TDRD7: variants seen among roughly 807,000 people sequenced by gnomAD.
The protein encoded by TDRD7 is tudor domain-containing protein 7.
TDRD7 carries 47 observed loss-of-function variants against 109.8 expected under a neutral mutation model. The ratio of observed to expected loss-of-function variants is 0.43; its 90% CI spans 0.34 to 0.55. The LOEUF (loss-of-function observed/expected upper bound fraction) is 0.55. Ranked by LOEUF, TDRD7 falls within the 20% of genes least tolerant of loss-of-function variation. The pLI, the probability that TDRD7 is intolerant of heterozygous loss-of-function variation, is 0.03. For missense variants in TDRD7, 1,164 were observed against 1,319.2 expected, an observed-to-expected ratio of 0.88 and a Z score of 1.82; for synonymous variants, 424 against 457.3, an observed-to-expected ratio of 0.93 and a Z score of 0.93.
intron 6 of TDRD7, among the ~76,000 whole-genome samples, chr9:97,446,709 A>G (rs1423032056): frequency 6.6e-6 from 1 of 152,170 alleles, no homozygotes; most frequent in Non-Finnish European, 1.5e-5. Flanking sequence ...AGATGTTTTT[A>G]TATTTGGGGA....
In TDRD7 at chr9:97,473,535, C is replaced by G; in HGVS notation, c.1988C>G (p.Ser663Cys). 2 of 1,613,770 alleles carry G rather than the reference C, an allele frequency of 1.2e-6. No individual in the cohort carries two copies. Among genetic ancestry groups the G allele is most frequent in the African/African-American group, 1.3e-5 (1 of 75,006 alleles). Residue 663 changes from serine (S) to cysteine (C), a missense_variant, in exon 11 of 17, where the codon TCT (serine) becomes TGT (cysteine). Ser to Cys is a moderately radical substitution (Grantham distance 112, BLOSUM62 -1). Around this residue, in one of 5 missense-constraint regions of TDRD7, gnomAD observed 261 missense variants for 336.2 expected, o/e 0.78. Coordinates refer to ENST00000355295, the MANE Select transcript of TDRD7 (RefSeq NM_014290.3). ...YTNVKVTNICSDGTLYCQVPC... is the reference protein window; with the variant it reads ...YTNVKVTNICCDGTLYCQVPC... Reference sequence around the variant, plus strand: ...AATGTCAAAGTAACTAATATTTGCTCTGATGGGACACTCTACTGCCAGGTG... The same window carrying G: ...AATGTCAAAGTAACTAATATTTGCTGTGATGGGACACTCTACTGCCAGGTG...
intron 8 of TDRD7, 143 bp from the exon 9 acceptor site, chr9:97,470,415 G>C (rs1211237594): frequency 9.6e-6 from 7 of 729,160 alleles, no homozygotes; most frequent in Non-Finnish European, 1.6e-5. Context: ...TGGTAAGTCA[G>C]GGGCACCTCC....
At position 97,492,573 on chromosome 9, in the gene TDRD7, G is replaced by A. The variant is rs558586875; in HGVS notation, c.3077-3090G>A. The stretch of plus-strand genomic sequence containing the variant: ...CCTGTCTATGTGACTGAACTAATAT[G>A]TGGATCAGATGAAAAAGTGAATATG... On this transcript the variant is annotated intron_variant, in intron 16 of 16. Coordinates refer to ENST00000355295, the MANE Select transcript of TDRD7 (RefSeq NM_014290.3). Among the ~76,000 whole-genome samples, 11 of 152,296 alleles carry A rather than the reference G, an allele frequency of 7.2e-5. No individual in the cohort carries two copies. The South Asian group carries it at 2.3e-3, about 32-fold the overall frequency.
chr9:97,479,361 C>T (rs538659037), intron 13 of TDRD7, among the ~76,000 whole-genome samples: 95 of 152,144 alleles, frequency 6.2e-4, no homozygotes, highest in Non-Finnish European at 9.3e-4. Flanking sequence ...AGCCATAATT[C>T]TGGAAATTGA....
In TDRD7 at chr9:97,483,191, C is replaced by T; in HGVS notation, c.2755C>T (p.Pro919Ser). The T allele has an allele frequency of 6.2e-7, 1 of 1,613,734 alleles. No homozygotes were observed. Among genetic ancestry groups the T allele is most frequent in the Non-Finnish European group, 8.5e-7 (1 of 1,179,684 alleles). Residue 919 changes from proline to serine, a missense_variant, in exon 15 of 17, where the codon CCT (proline) becomes TCT (serine). By Grantham distance (74) the Pro-to-Ser change is moderately conservative. Transcript: ENST00000355295. ...AGGGGAACACATGGATGTGTATGTG[C>T]CTGTGGCCTGTCACCCAGGCTACTT... Reference protein sequence around the residue: ...KPGEHMDVYVPVACHPGYFVI... With the variant: ...KPGEHMDVYVSVACHPGYFVI...
At position 97,412,387 on chromosome 9, in the gene TDRD7, G is replaced by T. The variant is rs1043163759; in HGVS notation, c.-7+149G>T. 6.6e-6 allele frequency: 1 copy of T among 152,228 alleles called. No homozygotes were observed. The highest frequency in any genetic ancestry group is 2.4e-5 in the African/African-American group (1 of 41,446). The allele number at this position is 152,228 out of a possible 1,614,324, so 9.4% of individuals were successfully genotyped here. A position where few individuals can be genotyped will look rare whatever the true frequency, so the allele number is the denominator to read the frequency against. On this transcript the variant is annotated intron_variant, in intron 1 of 16. Transcript: ENST00000355295. The surrounding 1 kb of genome is among the most constrained non-coding windows in gnomAD (Gnocchi z 4.3). Reference sequence around the variant, plus strand: ...GGCTCGGGGCCTTTTCCCTGCAGCCGCAGGGGATTGCCCCCGCCCCGACGC... The same window carrying T: ...GGCTCGGGGCCTTTTCCCTGCAGCCTCAGGGGATTGCCCCCGCCCCGACGC...
chr9:97,457,390 T>A (rs977998185), intron 6 of TDRD7, among the ~76,000 whole-genome samples: 3 of 152,036 alleles, frequency 2.0e-5, no homozygotes, highest in African/African-American at 7.2e-5. Flanking sequence ...ATATATATTT[T>A]TTTTTTGAGA....
In TDRD7 at chr9:97,432,208, A is replaced by C; in HGVS notation, c.533A>C (p.Gln178Pro). 1 of 1,613,802 alleles carries C rather than the reference A, an allele frequency of 6.2e-7. No homozygotes were observed. The highest frequency in any genetic ancestry group is 8.5e-7 in the Non-Finnish European group (1 of 1,179,746). The change falls in exon 4 of 17, where the codon CAA becomes CCA. Residue 178 changes from glutamine to proline, a missense_variant. Around this residue, in one of 5 missense-constraint regions of TDRD7, gnomAD observed 407 missense variants for 394.0 expected, o/e 1.03. Transcript: ENST00000355295. ...GAAGCATTCAAAGACATTCCAGTGC[A>C]AAGGCATGTGACCATGTCCACCAAC... ...GNEAFKDIPV[Q>P]RHVTMSTNNR...
At chr9:97,414,171 A>G (rs1014003011) in intron 1 of TDRD7, among the ~76,000 whole-genome samples, 1 of 150,792 alleles carries the variant, frequency 6.6e-6, no homozygotes, top group African/African-American at 2.4e-5. Context: ...TCCTCCCTCC[A>G]CTCCCACCTC....
intron 6 of TDRD7, among the ~76,000 whole-genome samples, chr9:97,455,153 A>G (rs938947456): frequency 6.6e-6 from 1 of 152,170 alleles, no homozygotes; most frequent in Non-Finnish European, 1.5e-5. Flanking sequence ...GAGTAGACCA[A>G]TAACAAGCTC....
intron 13 of TDRD7, chr9:97,480,393 C>T (rs1054988664): frequency 9.3e-6 from 2 of 214,318 alleles, no homozygotes; most frequent in African/African-American, 4.6e-5. Context: ...CTGAATGAAG[C>T]AACAGGAGTC....
At chr9:97,471,967 T>G (rs1004091367) in intron 9 of TDRD7, among the ~76,000 whole-genome samples, 4 of 152,212 alleles carry the variant, frequency 2.6e-5, no homozygotes, top group Non-Finnish European at 5.9e-5. Flanking sequence ...GCTTCTCATA[T>G]GTGTTAGTTT....
At chr9:97,440,484 T>C (rs902318935) in intron 5 of TDRD7, among the ~76,000 whole-genome samples, 4 of 152,230 alleles carry the variant, frequency 2.6e-5, no homozygotes, top group Admixed American at 6.5e-5. Context: ...CCAGTCCTTT[T>C]ATATCATTAT....
At chr9:97,477,288 C>A (rs1829040001) in intron 12 of TDRD7, among the ~76,000 whole-genome samples, 1 of 152,174 alleles carries the variant, frequency 6.6e-6, no homozygotes, top group South Asian at 2.1e-4. Flanking sequence ...ACAGAACATA[C>A]ATTTCCCAAA....
chr9:97,433,740 C>T (rs555359425), intron 4 of TDRD7, among the ~76,000 whole-genome samples: 15 of 152,224 alleles, frequency 9.9e-5, no homozygotes, highest in African/African-American at 3.6e-4. Context: ...TACAAATGAT[C>T]AACAAGTATA....
At chr9:97,430,301 G>A in intron 2 of TDRD7, among the ~76,000 whole-genome samples, 1 of 152,120 alleles carries the variant, frequency 6.6e-6, no homozygotes, top group East Asian at 1.9e-4. Context: ...TCATGCCCCT[G>A]CCAGTAGCAG....
chr9:97,475,030 G>A (rs918358371), intron 11 of TDRD7, among the ~76,000 whole-genome samples: 1 of 152,150 alleles, frequency 6.6e-6, no homozygotes, highest in African/African-American at 2.4e-5. Flanking sequence ...GACAGCTCTC[G>A]CAACCTCCTC....
rs1829285866 is a variant in TDRD7, at chr9:97,490,528, A to T, written c.3076+3196A>T. Among the ~76,000 whole-genome samples the T allele has an allele frequency of 2.4e-5, 3 of 126,586 alleles. No individual in the cohort carries two copies. The South Asian group carries it at 8.4e-4, about 35-fold the overall frequency. The allele number at this position is 126,586 out of a possible 152,430, so 83.0% of individuals were successfully genotyped here. A position where few individuals can be genotyped will look rare whatever the true frequency, so the allele number is the denominator to read the frequency against. On this transcript the variant is annotated intron_variant, in intron 16 of 16. Transcript: ENST00000355295. Reference sequence around the variant, plus strand: ...TTTGATTTTCTAAAGTTTGAATGTGATATGCCTAGATATATTTTGGTGGGG... The same window carrying T: ...TTTGATTTTCTAAAGTTTGAATGTGTTATGCCTAGATATATTTTGGTGGGG...
intron 1 of TDRD7, among the ~76,000 whole-genome samples, chr9:97,417,711 C>A (rs903513757): frequency 6.6e-6 from 1 of 152,244 alleles, no homozygotes; most frequent in Non-Finnish European, 1.5e-5. Context: ...CAGGCATAAT[C>A]TTCTGCAATC....
Sources: allele counts gnomAD v4.1 joint callset (sites outside exome capture counted in the v4.1 genomes callset), GRCh38; gene constraint gnomAD v4.1.1; regional missense constraint gnomAD v4.1.1; non-coding constraint Gnocchi (gnomAD v3.1); transcripts MANE v1.5; gene names NCBI Gene and HGNC (gene_info 2026-07-23, HGNC 2026-07-21).